CDH12: variants seen among roughly 807,000 people sequenced by gnomAD.
CDH12 encodes the protein cadherin-12.
Under a neutral mutation model 74.1 loss-of-function variants are expected in CDH12, and 41 were observed. The observed-to-expected ratio is 0.55, with a 90% CI of 0.43 to 0.72. The LOEUF is 0.72. CDH12 is among the 30% of genes least tolerant of loss of function. The pLI is 0.00. For missense variants in CDH12, 945 were observed against 977.2 expected (o/e 0.97, Z 0.44); for synonymous variants, 399 against 355.0 (o/e 1.12, Z -1.39).
intron 1 of CDH12, among the ~76,000 whole-genome samples, chr5:22,660,565 C>G (rs1163043043): frequency 6.6e-6 from 1 of 152,120 alleles, no homozygotes; most frequent in African/African-American, 2.4e-5. Context: ...GCATGCATCA[C>G]CACGCCCAGC....
At chr5:21,804,485 T>C (rs1361436173) in intron 9 of CDH12, among the ~76,000 whole-genome samples, 2 of 152,156 alleles carry the variant, frequency 1.3e-5, no homozygotes, top group South Asian at 4.1e-4. Context: ...ACACACATTT[T>C]CAAATACTTG....
chr5:22,137,688 A>G (rs2150293879), intron 4 of CDH12, among the ~76,000 whole-genome samples: 2 of 152,188 alleles, frequency 1.3e-5, no homozygotes, highest in East Asian at 3.9e-4. Flanking sequence ...TTTTTAAAGT[A>G]GCCTATTCTT....
At chr5:22,171,198 A>T (rs1344784605) in intron 4 of CDH12, among the ~76,000 whole-genome samples, 1 of 151,868 alleles carries the variant, frequency 6.6e-6, no homozygotes, top group Non-Finnish European at 1.5e-5. Flanking sequence ...CAGATTTATC[A>T]TGCAGATGAC....
In CDH12 at chr5:21,752,107, G is replaced by A; in HGVS notation, c.2015C>T (p.Ala672Val). The A allele has an allele frequency of 6.2e-7, 1 of 1,614,116 alleles. No homozygotes were observed. Among genetic ancestry groups the A allele is most frequent in the Non-Finnish European group, 8.5e-7 (1 of 1,180,004 alleles). The part of the protein sequence containing the change: ...DEGGGEEDTQ[A>V]FDIGALRNPK... ...GTTTCTCAGAGCCCCGATGTCGAAAGCCTGGGTATCTTCCTCCCCACCTCC... is the reference window on the plus strand; with the variant it reads ...GTTTCTCAGAGCCCCGATGTCGAAAACCTGGGTATCTTCCTCCCCACCTCC... Residue 672 changes from alanine (A) to valine (V), a missense_variant, in exon 15 of 15, where the codon GCT (alanine) becomes GTT (valine). Physicochemically the swap from Ala to Val is moderately conservative, Grantham distance 64. Coordinates refer to ENST00000382254, the MANE Select transcript of CDH12 (RefSeq NM_004061.5).
chr5:22,028,600 T>G (rs991388149), intron 5 of CDH12, among the ~76,000 whole-genome samples: 9 of 151,872 alleles, frequency 5.9e-5, no homozygotes, highest in East Asian at 1.9e-4. Context: ...CACTGCTCAA[T>G]GAAATAAAAG....
Position 22,259,348 on chromosome 5 carries a change from T to C in CDH12, c.-332-46705A>G, listed in dbSNP as rs1282818424. Among the ~76,000 whole-genome samples the C allele has an allele frequency of 2.0e-5, 3 of 152,090 alleles. No homozygotes were observed. In the East Asian group the frequency reaches 5.8e-4, roughly 29 times the overall value. The stretch of plus-strand genomic sequence containing the variant: ...AAAATTGGGGATTTAAAAAAACATA[T>C]ATTATTGTAGGTTCTAGAATTTGTA... On this transcript the variant is annotated intron_variant, in intron 3 of 14. Coordinates refer to ENST00000382254, the MANE Select transcript of CDH12 (RefSeq NM_004061.5).
At chr5:21,942,396 A>G (rs3096115) in intron 6 of CDH12, among the ~76,000 whole-genome samples, 3 of 146,916 alleles carry the variant, frequency 2.0e-5, no homozygotes, top group African/African-American at 7.8e-5. Context: ...ACACATATAT[A>G]TGTGTGGGTG....
At chr5:22,296,763 T>G (rs7722786) in intron 3 of CDH12, among the ~76,000 whole-genome samples, 12,308 of 152,302 alleles carry the variant, frequency 0.081, 576 homozygotes, top group South Asian at 0.16. Flanking sequence ...TTTCAGAGCT[T>G]ACAAATGATT....
At chr5:21,753,015 C>T (rs1744185823) in intron 14 of CDH12, among the ~76,000 whole-genome samples, 1 of 152,140 alleles carries the variant, frequency 6.6e-6, no homozygotes, top group East Asian at 1.9e-4. Flanking sequence ...TCTCTTTATT[C>T]CCAGTTGATT....
chr5:22,370,012 A>AATT (rs1741209765), intron 3 of CDH12, among the ~76,000 whole-genome samples: 1 of 152,174 alleles, frequency 6.6e-6, no homozygotes, highest in Non-Finnish European at 1.5e-5. Context: ...ACTTAAAAAA[A>AATT]ATTCTCAAGT....
At chr5:22,687,713 C>T (rs929701514) in intron 1 of CDH12, among the ~76,000 whole-genome samples, 1 of 152,202 alleles carries the variant, frequency 6.6e-6, no homozygotes, top group Non-Finnish European at 1.5e-5. Flanking sequence ...CTGTGCCTGG[C>T]TCATGCTCCA....
rs188360422 is a variant in CDH12, at chr5:22,511,173, G to A, written c.-522-5809C>T. Among the ~76,000 whole-genome samples the A allele has an allele frequency of 1.8e-3, 274 of 152,236 alleles. 2 individuals carry two copies. Among genetic ancestry groups the A allele is most frequent in the African/African-American group, 6.4e-3 (264 of 41,548 alleles). ...GCCTCCCAAAGTGCTGGGATTAGAG[G>A]CGTGAGCCACCATGGCTGGCCAACA... On this transcript the variant is annotated intron_variant, in intron 1 of 14. Coordinates refer to ENST00000382254, the MANE Select transcript of CDH12 (RefSeq NM_004061.5).
chr5:22,299,784 C>T (rs187353383), intron 3 of CDH12, among the ~76,000 whole-genome samples: 1 of 152,236 alleles, frequency 6.6e-6, no homozygotes, highest in Admixed American at 6.5e-5. Flanking sequence ...GTTTGAAAGA[C>T]ATTTTTATTT....
intron 5 of CDH12, among the ~76,000 whole-genome samples, chr5:22,005,754 A>G (rs1229376768): frequency 2.0e-4 from 31 of 152,148 alleles, no homozygotes; most frequent in Admixed American, 2.0e-3. Flanking sequence ...GTTTACTGCC[A>G]CTATTAGATA....
At chr5:22,826,775 T>C (rs1345698501) in intron 1 of CDH12, among the ~76,000 whole-genome samples, 1 of 152,134 alleles carries the variant, frequency 6.6e-6, no homozygotes, top group East Asian at 1.9e-4. Flanking sequence ...ATTTAGGGTA[T>C]CTGGAGGGAG....
chr5:22,097,849 G>C (rs1159494371), intron 4 of CDH12, among the ~76,000 whole-genome samples: 1 of 152,038 alleles, frequency 6.6e-6, no homozygotes, highest in Non-Finnish European at 1.5e-5. Context: ...AGCACGCTTT[G>C]AGAAGATTAA....
intron 5 of CDH12, among the ~76,000 whole-genome samples, chr5:22,057,556 G>A (rs1482648443): frequency 6.6e-6 from 1 of 152,116 alleles, no homozygotes; most frequent in Non-Finnish European, 1.5e-5. Flanking sequence ...ACAGACTCGC[G>A]GAAGGGAGTG....
chr5:22,691,713 G>A (rs1167780673), intron 1 of CDH12, among the ~76,000 whole-genome samples: 12 of 152,116 alleles, frequency 7.9e-5, no homozygotes, highest in Admixed American at 7.9e-4. Context: ...AAGGCAAAAT[G>A]GAAGCATCAC....
At chr5:22,685,976 T>C (rs1331949527) in intron 1 of CDH12, among the ~76,000 whole-genome samples, 4 of 152,216 alleles carry the variant, frequency 2.6e-5, no homozygotes, top group Non-Finnish European at 5.9e-5. Flanking sequence ...GCTAAACTAC[T>C]TTCCAAAGCG....
Sources: gnomAD v4.1 joint callset for allele counts (sites outside exome capture counted in the v4.1 genomes callset) on GRCh38, gnomAD v4.1.1 for gene constraint, MANE v1.5 for transcripts, NCBI Gene and HGNC (gene_info 2026-07-23, HGNC 2026-07-21) for gene names.